The following ALPK3 variants were observed in gnomAD, a reference collection of about 807,000 sequenced individuals.
The protein encoded by ALPK3 is alpha-protein kinase 3.
ALPK3 carries 102 observed loss-of-function variants against 140.0 expected under a neutral mutation model. That is an observed-to-expected ratio of 0.73 (90% CI 0.62 to 0.86). The LOEUF (loss-of-function observed/expected upper bound fraction) is 0.86. Among genes scored for constraint, ALPK3 ranks in the 40% least tolerant of loss-of-function variants. The probability of loss-of-function intolerance (pLI) is 0.00; values close to 1 mark genes in which losing one functional copy is unlikely to be tolerated. For synonymous variants in ALPK3, 938 were observed against 898.5 expected (o/e 1.04, Z -0.79); for missense variants, 2,254 against 2,208.2 (o/e 1.02, Z -0.42).
rs761976472 is a variant in ALPK3 at position 84,857,506 on chromosome 15, A to C, written c.2768A>C (p.His923Pro). The C allele has an allele frequency of 6.2e-7, 1 of 1,600,056 alleles. No individual in the cohort carries two copies. The highest frequency in any genetic ancestry group is 8.5e-7 in the Non-Finnish European group (1 of 1,172,050). ...GGGCTGGGGACCCCCACTCAGAGTC[A>C]CCCACCAGAAACCATGGCCACCAGC... ...HLGLGTPTQS[H>P]PPETMATSSE... The change falls in exon 6 of 14, where the codon CAC becomes CCC. Residue 923 changes from histidine (H) to proline (P), a missense_variant. Transcript: ENST00000258888.
intron 4 of ALPK3, 26 bp from the exon 5 acceptor site, chr15:84,839,676 G>A (rs1963633822): frequency 6.4e-7 from 1 of 1,564,828 alleles, no homozygotes; most frequent in Middle Eastern, 1.9e-4. Flanking sequence ...GAGGGGAGAG[G>A]TGGCACCTCC....
At position 84,840,099 on chromosome 15, in the gene ALPK3, G is replaced by T. The variant is rs1473503282; in HGVS notation, c.820G>T (p.Val274Leu). The T allele has an allele frequency of 6.2e-7, 1 of 1,614,172 alleles. No homozygotes were observed. Among genetic ancestry groups the T allele is most frequent in the Non-Finnish European group, 8.5e-7 (1 of 1,180,026 alleles). The change falls in exon 5 of 14, where the codon GTG becomes TTG. Residue 274 changes from valine to leucine, a missense_variant. Coordinates refer to ENST00000258888, the MANE Select transcript of ALPK3 (RefSeq NM_020778.5). ...GLINSFASGE[V>L]TTNGEAAPEN... ...GATCAACAGTTTTGCTTCTGGAGAAGTGACCACCAACGGGGAGGCTGCCCC... is the reference window on the plus strand; with the variant it reads ...GATCAACAGTTTTGCTTCTGGAGAATTGACCACCAACGGGGAGGCTGCCCC...
In ALPK3 at chr15:84,839,898, C is replaced by A. The variant is rs1203002027; in HGVS notation, c.619C>A (p.Pro207Thr). The A allele has an allele frequency of 1.2e-6, 2 of 1,613,900 alleles. No individual in the cohort carries two copies. Among genetic ancestry groups the A allele is most frequent in the Non-Finnish European group, 1.7e-6 (2 of 1,179,896 alleles). ...EQSWKHEKAV[P>T]GEVDTLRKLS... ...GAGCTGGAAGCACGAGAAGGCGGTG[C>A]CTGGGGAGGTCGACACTCTGCGCAA... Residue 207 changes from proline to threonine, a missense_variant, in exon 5 of 14, where the codon CCT (proline) becomes ACT (threonine). Physicochemically the swap from Pro to Thr is conservative, Grantham distance 38 (BLOSUM62 -1). This residue lies in a region of ALPK3 where 2,088 missense variants were observed against 2,022.9 expected (regional missense o/e 1.03). Transcript: ENST00000258888.
chr15:84,867,232 C>T, intron 12 of ALPK3, 85 bp from the exon 13 acceptor site: 1 of 1,447,710 alleles, frequency 6.9e-7, no homozygotes, highest in Non-Finnish European at 9.6e-7. Context: ...TGGTTCTAAG[C>T]CACCCAGTAT....
intron 1 of ALPK3, among the ~76,000 whole-genome samples, chr15:84,821,556 T>G (rs1169337297): frequency 2.0e-5 from 3 of 152,054 alleles, no homozygotes; most frequent in Non-Finnish European, 4.4e-5. Context: ...TCCAGAGGAT[T>G]TTTAAAGCTC....
chr15:84,867,207 C>T, intron 12 of ALPK3, 110 bp from the exon 13 acceptor site: 1 of 1,072,902 alleles, frequency 9.3e-7, no homozygotes, highest in Non-Finnish European at 1.4e-6. Flanking sequence ...CCCATGTCTC[C>T]AGCAGGAAGA....
chr15:84,823,458 C>T, intron 2 of ALPK3, 90 bp downstream of exon 2: 7 of 1,446,216 alleles, frequency 4.8e-6, no homozygotes, highest in Non-Finnish European at 6.8e-6. Flanking sequence ...GTGCACTAAC[C>T]AGGCTGCATG....
intron 5 of ALPK3, among the ~76,000 whole-genome samples, chr15:84,844,940 C>T (rs767187286): frequency 4.6e-5 from 7 of 152,060 alleles, no homozygotes; most frequent in Non-Finnish European, 1.0e-4. Context: ...ATTATTTATT[C>T]TGGTTATGGC....
Position 84,817,498 on chromosome 15 carries a change from C to A in ALPK3, c.46C>A (p.Arg16=). The A allele has an allele frequency of 2.2e-6, 2 of 915,744 alleles. No individual in the cohort carries two copies. Among genetic ancestry groups the A allele is most frequent in the South Asian group, 1.6e-5 (1 of 61,540 alleles). The allele number at this position is 915,744 out of a possible 1,614,324, so 56.7% of individuals were successfully genotyped here. Residue 16 remains arginine (R), a synonymous_variant, in exon 1 of 14, where the codon CGG becomes AGG. Transcript: ENST00000258888. ...CAGCCGGGGCTGGGGCGCGGGTGGG[C>A]GGTCGGGGGCGGGGGGCGACGGTGA... ...APSRGWGAGG[R]SGAGGDGEDD...
rs1257468134 is a variant in ALPK3 at position 84,838,993 on chromosome 15, A to G, written c.318A>G (p.Pro106=). 2 of 1,613,994 alleles carry G rather than the reference A, an allele frequency of 1.2e-6. No homozygotes were observed. Among genetic ancestry groups the G allele is most frequent in the Admixed American group, 1.7e-5 (1 of 60,004 alleles). The change falls in exon 4 of 14, where the codon CCA becomes CCG. Residue 106 remains proline (P), a synonymous_variant. Coordinates refer to ENST00000258888, the MANE Select transcript of ALPK3 (RefSeq NM_020778.5). ...FTCIVTGYPE[P]EVTWYKDDTE... ...CTTCTTTCTCAGGATACCCAGAGCC[A>G]GAGGTGACCTGGTACAAGGATGATA...
rs12904777 is a variant in ALPK3, at chr15:84,872,514, T to G, written c.*4058T>G. 0.25 allele frequency: 38,182 copies of G among 152,162 alleles called. 5,248 individuals are homozygous for G. The highest frequency in any genetic ancestry group is 0.34 in the Middle Eastern group (100 of 294). 9.4% of individuals were successfully genotyped at this position (152,162 alleles called of 1,614,324 possible). ...TCTTCTAGGTCAGTTGGTAAATGGGTTAGAACAAGATGCCCCAAAGTGGCA... is the reference window on the plus strand; with the variant it reads ...TCTTCTAGGTCAGTTGGTAAATGGGGTAGAACAAGATGCCCCAAAGTGGCA... On this transcript the variant is annotated 3_prime_UTR_variant, in exon 14 of 14. Transcript: ENST00000258888.
chr15:84,866,003 A>G (rs192189506), intron 12 of ALPK3, among the ~76,000 whole-genome samples: 1 of 152,200 alleles, frequency 6.6e-6, no homozygotes, highest in African/African-American at 2.4e-5. Flanking sequence ...CTTCTAGCTG[A>G]GTCTGTTTTA....
At chr15:84,863,222 AG>A in intron 10 of ALPK3, among the ~76,000 whole-genome samples, 1 of 151,394 alleles carries the variant, frequency 6.6e-6, no homozygotes. Context: ...GTGAGATAAA[AG>A]GGGGGTGCTG....
intron 12 of ALPK3, among the ~76,000 whole-genome samples, chr15:84,866,376 A>G (rs1964003714): frequency 6.6e-6 from 1 of 152,196 alleles, no homozygotes; most frequent in South Asian, 2.1e-4. Flanking sequence ...AAGATTAGAG[A>G]TATGAAGTGA....
intron 2 of ALPK3, among the ~76,000 whole-genome samples, chr15:84,827,226 T>C (rs1212412542): frequency 3.3e-4 from 50 of 152,210 alleles, no homozygotes. Flanking sequence ...TAGACTGGCA[T>C]GCTCAGGAGC....
intron 1 of ALPK3, among the ~76,000 whole-genome samples, chr15:84,823,065 A>G (rs1246081461): frequency 6.6e-6 from 1 of 152,122 alleles, no homozygotes; most frequent in Non-Finnish European, 1.5e-5. Context: ...ACCTTTCTCA[A>G]AGCACAGCCC....
chr15:84,821,402 C>G (rs1016452372), intron 1 of ALPK3, among the ~76,000 whole-genome samples: 1 of 152,196 alleles, frequency 6.6e-6, no homozygotes, highest in African/African-American at 2.4e-5. Context: ...TAACTCTCCC[C>G]CTCTCCTTCC....
intron 2 of ALPK3, among the ~76,000 whole-genome samples, chr15:84,824,256 G>T (rs1202238670): frequency 6.6e-6 from 1 of 152,190 alleles, no homozygotes; most frequent in Non-Finnish European, 1.5e-5. Flanking sequence ...CTCTGAATCT[G>T]CTGCAGAGTC....
intron 5 of ALPK3, among the ~76,000 whole-genome samples, chr15:84,851,101 A>G (rs764033877): frequency 8.5e-5 from 13 of 152,218 alleles, no homozygotes; most frequent in Non-Finnish European, 1.9e-4. Context: ...GAATGGGGGT[A>G]TAATGATGGA....
Sources: allele counts gnomAD v4.1 joint callset (sites outside exome capture counted in the v4.1 genomes callset), GRCh38; gene constraint gnomAD v4.1.1; regional missense constraint gnomAD v4.1.1; transcripts MANE v1.5; gene names NCBI Gene and HGNC (gene_info 2026-07-23, HGNC 2026-07-21).